The following MEI4 variants were observed in gnomAD, a reference collection of about 807,000 sequenced individuals.
The protein encoded by MEI4 is meiosis-specific protein MEI4.
Under a neutral mutation model 31.4 loss-of-function variants are expected in MEI4, and 27 were observed. That is an observed-to-expected ratio of 0.86 (90% CI 0.63 to 1.19). MEI4 has a LOEUF of 1.19. Ranked by LOEUF, MEI4 falls within the 50% of genes most tolerant of loss-of-function variation. The pLI, the probability that MEI4 is intolerant of heterozygous loss-of-function variation, is 0.00. For missense variants in MEI4, 329 were observed against 398.9 expected (o/e 0.82, Z 1.49); for synonymous variants, 122 against 145.4 (o/e 0.84, Z 1.16).
chr6:77,832,157 T>G (rs986719387), intron 4 of MEI4, among the ~76,000 whole-genome samples: 2 of 152,030 alleles, frequency 1.3e-5, no homozygotes, highest in African/African-American at 4.8e-5. Context: ...CCTAACAGAT[T>G]TTCCAACCTA....
intron 3 of MEI4, among the ~76,000 whole-genome samples, chr6:77,790,104 A>G (rs1318506437): frequency 1.3e-5 from 2 of 151,920 alleles, no homozygotes; most frequent in Non-Finnish European, 2.9e-5. Context: ...TGTCCTTTGT[A>G]GGGACATGAA....
At chr6:77,875,722 G>A (rs2127726896) in intron 4 of MEI4, among the ~76,000 whole-genome samples, 1 of 152,178 alleles carries the variant, frequency 6.6e-6, no homozygotes, top group Middle Eastern at 3.4e-3. Flanking sequence ...AACAGATTTT[G>A]AAAATCTGAA....
intron 3 of MEI4, among the ~76,000 whole-genome samples, chr6:77,796,190 C>T (rs1253431954): frequency 6.6e-6 from 1 of 152,118 alleles, no homozygotes; most frequent in African/African-American, 2.4e-5. Flanking sequence ...ATGATACCAT[C>T]TCTCAACAAA....
chr6:77,734,494 A>G (rs1217336149), intron 2 of MEI4, among the ~76,000 whole-genome samples: 1 of 151,804 alleles, frequency 6.6e-6, no homozygotes, highest in Non-Finnish European at 1.5e-5. Context: ...TGCTTGGTAG[A>G]TCTTCCTCCA....
intron 4 of MEI4, among the ~76,000 whole-genome samples, chr6:77,852,585 G>GT (rs58175580): frequency 0.38 from 53,733 of 142,410 alleles, 10,909 homozygotes; most frequent in African/African-American, 0.54. Context: ...GTTGTTGTTT[G>GT]TTTTTTTTTT....
At chr6:77,825,277 C>T (rs1769917874) in intron 3 of MEI4, among the ~76,000 whole-genome samples, 1 of 152,098 alleles carries the variant, frequency 6.6e-6, no homozygotes, top group Admixed American at 6.6e-5. Context: ...CATCCACTCC[C>T]CAATGATAAG....
At chr6:77,859,587 T>C (rs1410564935) in intron 4 of MEI4, among the ~76,000 whole-genome samples, 1 of 152,232 alleles carries the variant, frequency 6.6e-6, no homozygotes, top group Non-Finnish European at 1.5e-5. Flanking sequence ...TATCTCATTG[T>C]GGTTTTCATT....
At chr6:77,842,717 G>A (rs1274619997) in intron 4 of MEI4, among the ~76,000 whole-genome samples, 1 of 151,964 alleles carries the variant, frequency 6.6e-6, no homozygotes, top group Non-Finnish European at 1.5e-5. Flanking sequence ...GAAAGAAAAG[G>A]TACAACTTGC....
At chr6:77,707,123 A>G (rs2127658598) in intron 2 of MEI4, among the ~76,000 whole-genome samples, 1 of 151,740 alleles carries the variant, frequency 6.6e-6, no homozygotes, top group South Asian at 2.1e-4. Context: ...ACTTCTTAAG[A>G]CTAAATGGTT....
At chr6:77,737,559 C>G (rs1375133663) in intron 2 of MEI4, among the ~76,000 whole-genome samples, 1 of 152,112 alleles carries the variant, frequency 6.6e-6, no homozygotes, top group African/African-American at 2.4e-5. Context: ...AGAATTACGA[C>G]TGGATGATAT....
intron 4 of MEI4, among the ~76,000 whole-genome samples, chr6:77,875,631 T>A (rs1220910297): frequency 6.6e-6 from 1 of 152,198 alleles, no homozygotes; most frequent in Non-Finnish European, 1.5e-5. Context: ...ATTTTTATCA[T>A]TAATAACAAA....
intron 3 of MEI4, among the ~76,000 whole-genome samples, chr6:77,801,734 C>T (rs1035112531): frequency 2.6e-5 from 4 of 152,012 alleles, no homozygotes; most frequent in African/African-American, 9.7e-5. Flanking sequence ...TGTTGTGTAC[C>T]CAGTAGTTAT....
At chr6:77,654,673 C>A (rs1040360027) in intron 1 of MEI4, among the ~76,000 whole-genome samples, 1 of 150,130 alleles carries the variant, frequency 6.7e-6, no homozygotes, top group African/African-American at 2.5e-5. Flanking sequence ...AATATTTTTT[C>A]GTTGATAATC....
chr6:77,669,372 A>G (rs1439011325), intron 1 of MEI4, among the ~76,000 whole-genome samples: 1 of 152,208 alleles, frequency 6.6e-6, no homozygotes, highest in Non-Finnish European at 1.5e-5. Context: ...TTTTTCTTTC[A>G]TAAGTTTTAA....
Position 77,676,340 on chromosome 6 carries a change from A to G in MEI4, c.-14-14318A>G, listed in dbSNP as rs570279001. Among the ~76,000 whole-genome samples the G allele has an allele frequency of 3.3e-5, 5 of 152,046 alleles. No homozygotes were observed. In the South Asian group the frequency reaches 1.0e-3, roughly 32 times the overall value. On this transcript the variant is annotated intron_variant, in intron 1 of 4. Transcript: ENST00000684080. Reference sequence around the variant, plus strand: ...ATAATAAAAGATTAGCCTGGGCAACATAGGGTGATCCCCATCTGTACAACA... The same window carrying G: ...ATAATAAAAGATTAGCCTGGGCAACGTAGGGTGATCCCCATCTGTACAACA...
intron 4 of MEI4, among the ~76,000 whole-genome samples, chr6:77,863,860 C>T (rs1770940623): frequency 6.6e-6 from 1 of 152,164 alleles, no homozygotes; most frequent in Admixed American, 6.5e-5. Flanking sequence ...AAGAGAAGAC[C>T]ATCAGACTAA....
At chr6:77,658,110 C>T (rs940832434) in intron 1 of MEI4, among the ~76,000 whole-genome samples, 1 of 152,116 alleles carries the variant, frequency 6.6e-6, no homozygotes, top group African/African-American at 2.4e-5. Flanking sequence ...GGGCTGAGTC[C>T]GAAAAGAGAG....
intron 3 of MEI4, among the ~76,000 whole-genome samples, chr6:77,767,484 C>T (rs1309805420): frequency 6.6e-6 from 1 of 152,094 alleles, no homozygotes; most frequent in Non-Finnish European, 1.5e-5. Context: ...CACTTGAGCC[C>T]AGGAGTTTGA....
At chr6:77,726,667 C>A (rs1766830205) in intron 2 of MEI4, among the ~76,000 whole-genome samples, 1 of 152,066 alleles carries the variant, frequency 6.6e-6, no homozygotes, top group South Asian at 2.1e-4. Flanking sequence ...GTAAAATCTA[C>A]ACCAGTTGTG....
Sources: gnomAD v4.1 joint callset for allele counts (sites outside exome capture counted in the v4.1 genomes callset) on GRCh38, gnomAD v4.1.1 for gene constraint, MANE v1.5 for transcripts, NCBI Gene and HGNC (gene_info 2026-07-23, HGNC 2026-07-21) for gene names.